Variants in PLAGL1 observed in about 807,000 individuals in gnomAD.
PLAGL1 encodes zinc finger protein PLAGL1.
A neutral mutation model predicts 4.6 loss-of-function variants in PLAGL1; 1 was observed. The ratio of observed to expected loss-of-function variants is 0.22; its 90% confidence interval spans 0.08 to 1.03. The LOEUF (loss-of-function observed/expected upper bound fraction) is 1.03. Among genes scored for constraint, PLAGL1 ranks in the 50% least tolerant of loss-of-function variants. The probability of loss-of-function intolerance (pLI) is 0.58; values close to 1 mark genes in which losing one functional copy is unlikely to be tolerated. For synonymous variants in PLAGL1, 240 were observed against 237.8 expected, an observed-to-expected ratio of 1.01 and a Z score of -0.08; for missense variants, 464 against 570.4, an observed-to-expected ratio of 0.81 and a Z score of 1.90.
At chr6:144,057,442 G>A (rs556145881) in intron 1 of PLAGL1, among the ~76,000 whole-genome samples, 10 of 152,214 alleles carry the variant, frequency 6.6e-5, no homozygotes, top group African/African-American at 2.4e-4. Flanking sequence ...CCTGGCCAAG[G>A]GCTGGCCCAT....
chr6:144,014,831 C>A (rs961165838), intron 1 of PLAGL1, among the ~76,000 whole-genome samples: 1 of 152,082 alleles, frequency 6.6e-6, no homozygotes, highest in Non-Finnish European at 1.5e-5. Context: ...CTGAGCACCT[C>A]GGCCTCCCAA....
At chr6:143,967,211 G>A (rs984807393) in intron 3 of PLAGL1, 4 of 152,120 alleles carry the variant, frequency 2.6e-5, no homozygotes, top group Non-Finnish European at 1.5e-5. Context: ...GGATATCTAT[G>A]TATCTTGCAG....
At chr6:144,047,401 A>G (rs1379847584) in intron 1 of PLAGL1, among the ~76,000 whole-genome samples, 1 of 152,142 alleles carries the variant, frequency 6.6e-6, no homozygotes, top group Non-Finnish European at 1.5e-5. Flanking sequence ...GGTAAGCTCT[A>G]TCTATTAGTG....
chr6:144,053,952 C>G lies in PLAGL1; in HGVS notation c.-151+10516G>C, dbSNP rs980527326. On this transcript the variant is annotated intron_variant, in intron 1 of 3. Coordinates refer to the PLAGL1 transcript ENST00000437412. The surrounding 1 kb of genome is among the most constrained non-coding windows in gnomAD (Gnocchi z 4.0). ...GTCAAAGTACATACCAAGAAGAACA[C>G]CATCAACTTCAAAATCCATCAGGAA... 6.6e-6 allele frequency among the ~76,000 whole-genome samples: 1 copy of G among 152,126 alleles called. No homozygotes were observed. Among genetic ancestry groups the G allele is most frequent in the African/African-American group, 2.4e-5 (1 of 41,424 alleles).
chr6:144,017,906 T>C (rs972710241), intron 1 of PLAGL1, among the ~76,000 whole-genome samples: 1 of 152,146 alleles, frequency 6.6e-6, no homozygotes, highest in African/African-American at 2.4e-5. Flanking sequence ...TCTCCTTCAC[T>C]GGATTCCCTC....
chr6:144,035,007 T>C (rs1797114919), intron 1 of PLAGL1, among the ~76,000 whole-genome samples: 1 of 152,210 alleles, frequency 6.6e-6, no homozygotes, highest in East Asian at 1.9e-4. Flanking sequence ...TAAATGTTAA[T>C]GATAGAATCT....
In PLAGL1 at chr6:143,954,433, A is replaced by AC. The variant is rs1781698513; in HGVS notation, c.-324-5974dup. Among the ~76,000 whole-genome samples the AC allele has an allele frequency of 6.6e-6, 1 of 152,188 alleles. No individual in the cohort carries two copies. Among genetic ancestry groups the AC allele is most frequent in the Non-Finnish European group, 1.5e-5 (1 of 68,040 alleles). On this transcript the variant is annotated intron_variant, in intron 6 of 7. Transcript: ENST00000674357. The surrounding 1 kb of genome is among the most constrained non-coding windows in gnomAD (Gnocchi z 5.1). ...AACAAAAAGGCAGTGGCAGTGCAAGACCCCAGGGGCTGGGACAGGCATTTG... is the reference window on the plus strand; with the variant it reads ...AACAAAAAGGCAGTGGCAGTGCAAGACCCCCAGGGGCTGGGACAGGCATTTG...
At position 143,953,737 on chromosome 6, in the gene PLAGL1, G is replaced by C. The variant is rs917151208; in HGVS notation, c.-324-5277C>G. ...AGGTAAACAAGCAGTGATCGACTTG[G>C]CCATCCTAAGAAAGCTAAAGTTTAA... On this transcript the variant is annotated intron_variant, in intron 6 of 7. Transcript: ENST00000674357. This position sits in a 1 kb window ranked among gnomAD's most constrained non-coding sequence, Gnocchi z 5.3. 6.6e-6 allele frequency among the ~76,000 whole-genome samples: 1 copy of C among 152,192 alleles called. No individual in the cohort carries two copies. Among genetic ancestry groups the C allele is most frequent in the Non-Finnish European group, 1.5e-5 (1 of 68,026 alleles).
Position 143,942,814 on chromosome 6 carries a change from CTT to C in PLAGL1, c.153-153_153-152del, listed in dbSNP as rs963047642. The C allele has an allele frequency of 3.3e-6, 2 of 604,342 alleles. No homozygotes were observed. The highest frequency in any genetic ancestry group is 3.8e-5 in the African/African-American group (2 of 53,262). 37.4% of individuals were successfully genotyped at this position (604,342 alleles called of 1,614,324 possible). A position where few individuals can be genotyped will look rare whatever the true frequency, so the allele number is the denominator to read the frequency against. ...TTCATATATTTTCCAAATATATAAACTTTTATAATTAAGAAAAGCAAGCAATA... is the reference window on the plus strand; with the variant it reads ...TTCATATATTTTCCAAATATATAAACTTATAATTAAGAAAAGCAAGCAATA... On this transcript the variant is annotated intron_variant, in intron 7 of 7. Transcript: ENST00000674357. This position sits in a 1 kb window ranked among gnomAD's most constrained non-coding sequence, Gnocchi z 7.6.
At chr6:144,060,535 G>C (rs1486630778) in intron 1 of PLAGL1, among the ~76,000 whole-genome samples, 1 of 152,174 alleles carries the variant, frequency 6.6e-6, no homozygotes, top group Non-Finnish European at 1.5e-5. Context: ...TGAATTGGAA[G>C]ACATGAAAGT....
intron 1 of PLAGL1, among the ~76,000 whole-genome samples, chr6:144,014,573 TG>T (rs1795440846): frequency 6.6e-6 from 1 of 151,982 alleles, no homozygotes; most frequent in Admixed American, 6.5e-5. Context: ...TAAGATCTAT[TG>T]GGTTTTGTTT....
At position 143,940,729 on chromosome 6, in the gene PLAGL1, AT is replaced by A. The variant is rs35981443; in HGVS notation, c.*694del. 390 of 147,376 alleles carry A rather than the reference AT, an allele frequency of 2.6e-3. 7 individuals carry two copies. The East Asian group carries it at 0.038, about 14-fold the overall frequency. 9.1% of individuals were successfully genotyped at this position (147,376 alleles called of 1,614,324 possible). On this transcript the variant is annotated 3_prime_UTR_variant, in exon 8 of 8. Coordinates refer to ENST00000674357, the MANE Select transcript of PLAGL1 (RefSeq NM_001317162.2). ...TACCACTTAACCTGGTTACACAGTG[AT>A]TTTTTTTTTTTTTCTGTCAGATGTA...
intron 1 of PLAGL1, among the ~76,000 whole-genome samples, chr6:144,028,069 C>T (rs1335190775): frequency 6.6e-6 from 1 of 152,156 alleles, no homozygotes; most frequent in Non-Finnish European, 1.5e-5. Flanking sequence ...GGTTCTTTAT[C>T]ACTCTTACTA....
chr6:144,042,009 T>G (rs969862601), intron 1 of PLAGL1, among the ~76,000 whole-genome samples: 1 of 152,206 alleles, frequency 6.6e-6, no homozygotes, highest in African/African-American at 2.4e-5. Flanking sequence ...TCATATCCTT[T>G]GCCCACTTTT....
rs778115846 is a variant in PLAGL1, at chr6:143,941,457, G to A, written c.1359C>T (p.Ala453=). 6.6e-7 allele frequency: 1 copy of A among 1,506,234 alleles called. No homozygotes were observed. The highest frequency in any genetic ancestry group is 8.9e-7 in the Non-Finnish European group (1 of 1,127,460). The allele number at this position is 1,506,234 out of a possible 1,614,324, so 93.3% of individuals were successfully genotyped here. A position where few individuals can be genotyped will look rare whatever the true frequency, so the allele number is the denominator to read the frequency against. ...PHVFSAGTGS[A]ILPHFHHAFR The stretch of plus-strand genomic sequence containing the variant: ...ATGCATGATGGAAATGAGGCAGGAT[G>A]GCAGAGCCAGTGCCAGCTGAGAACA... Residue 453 remains alanine, a synonymous_variant, in exon 8 of 8, where the codon GCC becomes GCT. Coordinates refer to ENST00000674357, the MANE Select transcript of PLAGL1 (RefSeq NM_001317162.2). This position sits in a 1 kb window ranked among gnomAD's most constrained non-coding sequence, Gnocchi z 6.0.
At position 144,016,807 on chromosome 6, in the gene PLAGL1, G is replaced by A. The variant is rs1264474340; in HGVS notation, c.-151+47661C>T. On this transcript the variant is annotated intron_variant, in intron 1 of 3. Coordinates refer to the PLAGL1 transcript ENST00000437412. This position sits in a 1 kb window ranked among gnomAD's most constrained non-coding sequence, Gnocchi z 4.2. ...ATTTCCTTTCTTATTTGGATAGGATGAGGAGAAATCACATGAGATTGGTTT... is the reference window on the plus strand; with the variant it reads ...ATTTCCTTTCTTATTTGGATAGGATAAGGAGAAATCACATGAGATTGGTTT... 6.6e-6 allele frequency among the ~76,000 whole-genome samples: 1 copy of A among 152,196 alleles called. No homozygotes were observed. Among genetic ancestry groups the A allele is most frequent in the Non-Finnish European group, 1.5e-5 (1 of 68,030 alleles).
In PLAGL1 at chr6:143,989,580, C is replaced by T. The variant is rs979239819; in HGVS notation, c.-583-4406G>A. On this transcript the variant is annotated intron_variant, in intron 1 of 7. Coordinates refer to ENST00000674357, the MANE Select transcript of PLAGL1 (RefSeq NM_001317162.2). This position sits in a 1 kb window ranked among gnomAD's most constrained non-coding sequence, Gnocchi z 4.8. The stretch of plus-strand genomic sequence containing the variant: ...GTTCCTCTGCTTCTCAGGCGTTCAG[C>T]CTTGGACCAGAATCACACCACCAGC... 1.3e-5 allele frequency among the ~76,000 whole-genome samples: 2 copies of T among 152,196 alleles called. No homozygotes were observed. Among genetic ancestry groups the T allele is most frequent in the African/African-American group, 4.8e-5 (2 of 41,442 alleles).
In PLAGL1 at chr6:143,954,172, C is replaced by A. The variant is rs1228827728; in HGVS notation, c.-324-5712G>T. ...ACAAGGCCCCAGCTGACAAGCCCCA[C>A]CTAAGTATACAAAGCTCCCATCAGC... On this transcript the variant is annotated intron_variant, in intron 6 of 7. Transcript: ENST00000674357. The surrounding 1 kb of genome is among the most constrained non-coding windows in gnomAD (Gnocchi z 5.1). Among the ~76,000 whole-genome samples, 1 of 152,138 alleles carries A rather than the reference C, an allele frequency of 6.6e-6. No homozygotes were observed. Among genetic ancestry groups the A allele is most frequent in the Non-Finnish European group, 1.5e-5 (1 of 68,032 alleles).
In PLAGL1 at chr6:144,059,813, C is replaced by T. The variant is rs1799249765; in HGVS notation, c.-151+4655G>A. 6.6e-6 allele frequency among the ~76,000 whole-genome samples: 1 copy of T among 152,134 alleles called. No individual in the cohort carries two copies. The highest frequency in any genetic ancestry group is 6.5e-5 in the Admixed American group (1 of 15,280). ...AACCTGCTTTAGTCTTTTGGGGTAC[C>T]TAGGGCCTTTTTGAGAGATCAGCCT... On this transcript the variant is annotated intron_variant, in intron 1 of 3. Transcript: ENST00000437412. This position sits in a 1 kb window ranked among gnomAD's most constrained non-coding sequence, Gnocchi z 4.9.
Sources: allele counts gnomAD v4.1 joint callset (sites outside exome capture counted in the v4.1 genomes callset), GRCh38; gene constraint gnomAD v4.1.1; non-coding constraint Gnocchi (gnomAD v3.1); transcripts MANE v1.5; gene names NCBI Gene and HGNC (gene_info 2026-07-23, HGNC 2026-07-21).